Variants in ARAP2 observed in about 807,000 individuals in gnomAD.
ARAP2 encodes the protein arf-GAP with Rho-GAP domain, ANK repeat and PH domain-containing protein 2.
In ARAP2, 148 loss-of-function variants were observed where a neutral mutation model predicts 194.5. The ratio of observed to expected loss-of-function variants is 0.76; its 90% CI spans 0.67 to 0.87. The LOEUF is 0.87. ARAP2 is among the 40% of genes least tolerant of loss of function. The probability of loss-of-function intolerance (pLI) is 0.00; values close to 1 mark genes in which losing one functional copy is unlikely to be tolerated. For missense variants in ARAP2, 2,128 were observed against 1,989.7 expected (o/e 1.07, Z -1.32); for synonymous variants, 695 against 683.5 (o/e 1.02, Z -0.26).
chr4:36,035,700 T>A (rs1040999104), intron 5 of ARAP2, among the ~76,000 whole-genome samples: 28 of 152,274 alleles, frequency 1.8e-4, no homozygotes, highest in Non-Finnish European at 2.9e-4. Flanking sequence ...ATACATTTTT[T>A]AAATTTTTGT....
At chr4:36,086,060 G>T (rs1446199201) in intron 28 of ARAP2, among the ~76,000 whole-genome samples, 1 of 151,990 alleles carries the variant, frequency 6.6e-6, no homozygotes, top group Non-Finnish European at 1.5e-5. Context: ...AGGAATGTAT[G>T]CAGTATAGGT....
At chr4:36,011,432 T>C (rs1286310745) in intron 9 of ARAP2, among the ~76,000 whole-genome samples, 5 of 152,188 alleles carry the variant, frequency 3.3e-5, no homozygotes, top group Admixed American at 1.3e-4. Context: ...TTCTGATTAG[T>C]ATATTAAGGC....
intron 2 of ARAP2, among the ~76,000 whole-genome samples, chr4:36,215,730 T>G (rs142782066): frequency 1.3e-5 from 2 of 152,102 alleles, no homozygotes; most frequent in African/African-American, 4.8e-5. Context: ...TCACCTCTGG[T>G]CCCAGCAACT....
At chr4:36,199,839 TCA>T (rs549758662) in intron 6 of ARAP2, among the ~76,000 whole-genome samples, 1 of 152,156 alleles carries the variant, frequency 6.6e-6, no homozygotes, top group Non-Finnish European at 1.5e-5. Context: ...AGTGTTCTTA[TCA>T]CACACACACA....
At chr4:36,061,470 C>G (rs1181475960), downstream of ARAP2, among the ~76,000 whole-genome samples, 1 of 152,122 alleles carries the variant, frequency 6.6e-6, no homozygotes, top group Non-Finnish European at 1.5e-5. Context: ...GCATATTGAC[C>G]TCCAGTTCCA....
intron 6 of ARAP2, among the ~76,000 whole-genome samples, chr4:36,208,692 A>G (rs1193959622): frequency 6.6e-6 from 1 of 152,226 alleles, no homozygotes; most frequent in Non-Finnish European, 1.5e-5. Flanking sequence ...TAATGAATGC[A>G]TGCCTTTTGG....
chr4:36,229,536 C>A lies in ARAP2; in HGVS notation c.-50G>T. On this transcript the variant is annotated 5_prime_UTR_variant, in exon 2 of 33. Coordinates refer to ENST00000303965, the MANE Select transcript of ARAP2 (RefSeq NM_015230.4). ...AGTTACAAAAAGTGGCACGATGAGA[C>A]ACACACACAAGAAGATGTACTTCTC... 7.1e-7 allele frequency: 1 copy of A among 1,398,680 alleles called. No individual in the cohort carries two copies. The highest frequency in any genetic ancestry group is 9.8e-7 in the Non-Finnish European group (1 of 1,019,440). 86.6% of individuals were successfully genotyped at this position (1,398,680 alleles called of 1,614,324 possible).
intron 5 of ARAP2, among the ~76,000 whole-genome samples, chr4:36,045,348 A>G (rs1397388753): frequency 6.6e-6 from 1 of 152,204 alleles, no homozygotes; most frequent in African/African-American, 2.4e-5. Context: ...ACAATGGAAT[A>G]CCATTCAGCC....
chr4:36,026,934 C>T (rs1023255122), intron 5 of ARAP2, among the ~76,000 whole-genome samples: 14 of 152,204 alleles, frequency 9.2e-5, no homozygotes, highest in African/African-American at 2.9e-4. Context: ...TCTCTAAATG[C>T]GGCCATAGCA....
chr4:36,214,460 T>C lies in ARAP2; in HGVS notation c.926A>G (p.Asn309Ser). The C allele has an allele frequency of 1.3e-6, 2 of 1,594,968 alleles. No homozygotes were observed. Among genetic ancestry groups the C allele is most frequent in the Non-Finnish European group, 1.7e-6 (2 of 1,168,748 alleles). The part of the protein sequence containing the change: ...VSGSYFRERR[N>S]VATSTEKSVA... ...AGATTTTTCAGTTGAGGTAGCAACA[T>C]TTCTTCTTTCACGGAAATAGCTTAA... Residue 309 changes from asparagine (N) to serine (S), a missense_variant, in exon 3 of 33, where the codon AAT becomes AGT. Physicochemically the swap from Asn to Ser is conservative, Grantham distance 46. Transcript: ENST00000303965.
Position 36,130,755 on chromosome 4 carries a change from T to C in ARAP2, c.3428-2010A>G, listed in dbSNP as rs190910127. Among the ~76,000 whole-genome samples, 30 of 152,014 alleles carry C rather than the reference T, an allele frequency of 2.0e-4. No individual in the cohort carries two copies. The East Asian group carries it at 3.9e-3, about 20-fold the overall frequency. ...CATATCTCTGTATATATCCGGCAGT[T>C]ACACAGTGCCTAGAACTACTCAGCA... On this transcript the variant is annotated intron_variant, in intron 20 of 32. Transcript: ENST00000303965.
intron 2 of ARAP2, among the ~76,000 whole-genome samples, chr4:36,216,079 C>G (rs1456680702): frequency 7.0e-6 from 1 of 143,210 alleles, no homozygotes; most frequent in Middle Eastern, 3.4e-3. Flanking sequence ...AACCCCATCT[C>G]TACAAAAAAA....
At chr4:36,062,633 AGTGTGT>A (rs10641822), downstream of ARAP2, among the ~76,000 whole-genome samples, 43 of 148,260 alleles carry the variant, frequency 2.9e-4, no homozygotes, top group African/African-American at 3.7e-4. Context: ...TTTGTGTGAG[AGTGTGT>A]GTGTGTGTGT....
At chr4:36,159,059 T>C (rs906210309) in intron 14 of ARAP2, among the ~76,000 whole-genome samples, 195 bp from the exon 15 acceptor site, 7 of 152,234 alleles carry the variant, frequency 4.6e-5, no homozygotes, top group African/African-American at 1.2e-4. Context: ...TATTCATATA[T>C]GAAAATCGGA....
chr4:36,082,053 C>T (rs912744228), intron 30 of ARAP2, among the ~76,000 whole-genome samples, 198 bp downstream of exon 30: 3 of 151,988 alleles, frequency 2.0e-5, no homozygotes, highest in Non-Finnish European at 4.4e-5. Flanking sequence ...GAGGCATTGC[C>T]AAATAGGATA....
chr4:36,121,409 A>G lies in ARAP2; in HGVS notation c.3747-83T>C, dbSNP rs1184811113. 2.3e-6 allele frequency: 3 copies of G among 1,285,422 alleles called. No homozygotes were observed. In the African/African-American group the frequency reaches 4.5e-5, roughly 19 times the overall value. The allele number at this position is 1,285,422 out of a possible 1,614,324, so 79.6% of individuals were successfully genotyped here. On this transcript the variant is annotated intron_variant, in intron 22 of 32. Coordinates refer to ENST00000303965, the MANE Select transcript of ARAP2 (RefSeq NM_015230.4). ...CAGAAAGCCAGTTTATCAATTTTTAAACACAGCAATATTGGAATTCTCTGA... is the reference window on the plus strand; with the variant it reads ...CAGAAAGCCAGTTTATCAATTTTTAGACACAGCAATATTGGAATTCTCTGA...
At chr4:36,055,546 T>A (rs1723345339) in intron 2 of ARAP2, among the ~76,000 whole-genome samples, 1 of 152,004 alleles carries the variant, frequency 6.6e-6, no homozygotes, top group Admixed American at 6.6e-5. Context: ...TTTCAGGTAC[T>A]TATTTTTATT....
chr4:36,010,247 G>A (rs974733729), intron 9 of ARAP2, among the ~76,000 whole-genome samples: 2 of 151,026 alleles, frequency 1.3e-5, no homozygotes, highest in Admixed American at 1.3e-4. Context: ...ATATAGGTGA[G>A]CATTTTTAGA....
chr4:36,065,407 C>G, downstream of ARAP2: 1 of 514,478 alleles, frequency 1.9e-6, no homozygotes, highest in Admixed American at 2.0e-5. Context: ...TTCTCACACT[C>G]AGGGAAAAGA....
Sources: gnomAD v4.1 joint callset for allele counts (sites outside exome capture counted in the v4.1 genomes callset) on GRCh38, gnomAD v4.1.1 for gene constraint, MANE v1.5 for transcripts, NCBI Gene and HGNC (gene_info 2026-07-23, HGNC 2026-07-21) for gene names.